Variants in CSTPP1 observed in about 807,000 individuals in gnomAD.
CSTPP1 encodes UPF0705 protein C11orf49.
At chr11:47,164,324 A>C in the CSTPP1 span, 191 of 1,454,948 alleles carry the variant, frequency 1.3e-4, 2 homozygotes, top group Middle Eastern at 2.9e-3. Context: ...ACAGGGAGCC[A>C]GGCCCTGCAG....
At chr11:46,968,835 G>A in the CSTPP1 span, among the ~76,000 whole-genome samples, 2 of 151,978 alleles carry the variant, frequency 1.3e-5, no homozygotes, top group African/African-American at 4.8e-5. Context: ...GGGGGCGGAG[G>A]TTGCAGTGAG....
At chr11:47,090,602 C>T in the CSTPP1 span, among the ~76,000 whole-genome samples, 1 of 152,180 alleles carries the variant, frequency 6.6e-6, no homozygotes, top group East Asian at 1.9e-4. Flanking sequence ...ACAGCCTGCA[C>T]TGTGAGTAAT....
the CSTPP1 span, among the ~76,000 whole-genome samples, chr11:47,085,133 G>A: frequency 6.6e-6 from 1 of 152,190 alleles, no homozygotes; most frequent in Non-Finnish European, 1.5e-5. Flanking sequence ...GAACCCGAGA[G>A]GCAGAGGTTG....
chr11:47,019,740 A>G, the CSTPP1 span, among the ~76,000 whole-genome samples: 6 of 152,320 alleles, frequency 3.9e-5, no homozygotes, highest in African/African-American at 1.4e-4. Context: ...AAATAATGAA[A>G]AAGTTTGAAA....
the CSTPP1 span, among the ~76,000 whole-genome samples, chr11:46,988,918 TC>T: frequency 6.6e-6 from 1 of 152,164 alleles, no homozygotes; most frequent in Admixed American, 6.5e-5. Flanking sequence ...AGGATATCTT[TC>T]ATAGATTATA....
At chr11:47,001,653 T>C in the CSTPP1 span, among the ~76,000 whole-genome samples, 1 of 152,186 alleles carries the variant, frequency 6.6e-6, no homozygotes, top group African/African-American at 2.4e-5. Context: ...TTATAAAATA[T>C]GTATCATTTC....
chr11:47,155,117 C>T, the CSTPP1 span: 2 of 1,351,142 alleles, frequency 1.5e-6, no homozygotes, highest in Non-Finnish European at 2.1e-6. Flanking sequence ...TCCCTCTCTC[C>T]CTCCCCTCCT....
chr11:46,996,020 A>G, the CSTPP1 span, among the ~76,000 whole-genome samples: 1 of 151,908 alleles, frequency 6.6e-6, no homozygotes, highest in South Asian at 2.1e-4. Context: ...TGATCCCTTT[A>G]CCATTATGTA....
At chr11:47,013,865 A>G in the CSTPP1 span, among the ~76,000 whole-genome samples, 1 of 152,304 alleles carries the variant, frequency 6.6e-6, no homozygotes, top group African/African-American at 2.4e-5. Flanking sequence ...ACAGTGTAAA[A>G]GTGTTCATAT....
chr11:47,055,692 A>T, the CSTPP1 span, among the ~76,000 whole-genome samples: 1 of 152,318 alleles, frequency 6.6e-6, no homozygotes, highest in Admixed American at 6.5e-5. Context: ...CAAAGCTAGA[A>T]ATTGAACCCA....
chr11:47,144,099 ATAATAG>A, the CSTPP1 span, among the ~76,000 whole-genome samples: 3 of 152,212 alleles, frequency 2.0e-5, no homozygotes, highest in African/African-American at 7.2e-5. Flanking sequence ...GATGATAATA[ATAATAG>A]TAACTAACTC....
the CSTPP1 span, among the ~76,000 whole-genome samples, chr11:47,131,270 G>C: frequency 1.3e-5 from 2 of 152,136 alleles, no homozygotes; most frequent in Non-Finnish European, 2.9e-5. Flanking sequence ...CCAGGAAGAG[G>C]AGAGGTATCC....
At chr11:47,101,177 T>A in the CSTPP1 span, among the ~76,000 whole-genome samples, 2 of 91,888 alleles carry the variant, frequency 2.2e-5, no homozygotes, top group Admixed American at 2.3e-4. Flanking sequence ...TTTTTTTTTT[T>A]TTTTTTTTTT....
chr11:46,980,944 A>G, the CSTPP1 span, among the ~76,000 whole-genome samples: 3 of 152,196 alleles, frequency 2.0e-5, no homozygotes, highest in Non-Finnish European at 4.4e-5. Flanking sequence ...GTGAAAATAG[A>G]TACTCATACA....
chr11:47,150,295 G>T, the CSTPP1 span, among the ~76,000 whole-genome samples: 1 of 152,152 alleles, frequency 6.6e-6, no homozygotes, highest in Non-Finnish European at 1.5e-5. Flanking sequence ...CTTTATGAGA[G>T]GGATTAAGAA....
chr11:46,950,176 C>CTT, the CSTPP1 span, among the ~76,000 whole-genome samples: 45 of 136,314 alleles, frequency 3.3e-4, no homozygotes, highest in African/African-American at 1.1e-3. Flanking sequence ...TTTTTCTTTT[C>CTT]TTTTTTTTTT....
chr11:47,046,032 G>A, the CSTPP1 span, among the ~76,000 whole-genome samples: 27 of 151,962 alleles, frequency 1.8e-4, no homozygotes, highest in Non-Finnish European at 3.5e-4. Flanking sequence ...TGATGCACCC[G>A]CCTCAGCCTC....
chr11:47,001,669 A>T, the CSTPP1 span, among the ~76,000 whole-genome samples: 1 of 149,858 alleles, frequency 6.7e-6, no homozygotes, highest in Non-Finnish European at 1.5e-5. Context: ...ATTTCTTGTT[A>T]TTTTTTTTTT....
At chr11:47,087,308 A>G in the CSTPP1 span, among the ~76,000 whole-genome samples, 3 of 152,246 alleles carry the variant, frequency 2.0e-5, no homozygotes, top group African/African-American at 4.8e-5. Context: ...TGGATCTATC[A>G]CTACTAGCTG....
Sources: allele counts gnomAD v4.1 joint callset (sites outside exome capture counted in the v4.1 genomes callset), GRCh38; gene constraint gnomAD v4.1.1; transcripts MANE v1.5; gene names NCBI Gene and HGNC (gene_info 2026-07-23, HGNC 2026-07-21).